PCDHA8: variants seen among roughly 807,000 people sequenced by gnomAD.
PCDHA8 encodes the protein protocadherin alpha 8, also known as protocadherin alpha-8.
PCDHA8 carries 53 observed loss-of-function variants against 61.8 expected under a neutral mutation model. The observed-to-expected ratio is 0.86, with a 90% CI of 0.69 to 1.08. PCDHA8 has a LOEUF of 1.08. Among genes scored for constraint, PCDHA8 ranks in the 50% least tolerant of loss-of-function variants. PCDHA8 has a pLI of 0.00. For missense variants in PCDHA8, 1,293 were observed against 1,245.0 expected (o/e 1.04, Z -0.58); for synonymous variants, 618 against 556.6 (o/e 1.11, Z -1.55).
At chr5:141,009,179 G>C (rs1343163889) in intron 3 of PCDHA8, among the ~76,000 whole-genome samples, 2 of 152,212 alleles carry the variant, frequency 1.3e-5, no homozygotes, top group Non-Finnish European at 2.9e-5. Flanking sequence ...CCTTGGCTGG[G>C]TGTGGTAGCT....
At chr5:141,003,404 C>T (rs1220823523) in intron 3 of PCDHA8, among the ~76,000 whole-genome samples, 4 of 152,138 alleles carry the variant, frequency 2.6e-5, no homozygotes, top group African/African-American at 4.8e-5. Context: ...CTCCGCCTCC[C>T]GGGTTCGAGT....
chr5:140,994,550 T>A (rs1554254228), intron 3 of PCDHA8, among the ~76,000 whole-genome samples: 1 of 151,060 alleles, frequency 6.6e-6, no homozygotes, highest in Non-Finnish European at 1.5e-5. Context: ...AAAAAAAATA[T>A]AAAAATTAGC....
Position 141,010,415 on chromosome 5 carries a change from C to T in PCDHA8, c.*478C>T. ...ACGAGCCAGCTTAGACTAATTGGTA[C>T]AAGGAAGGCAAGAAAACAAAGACAA... On this transcript the variant is annotated 3_prime_UTR_variant, in exon 4 of 4. Transcript: ENST00000531613. 1 of 1,160,734 alleles carries T rather than the reference C, an allele frequency of 8.6e-7. No homozygotes were observed. 71.9% of individuals were successfully genotyped at this position (1,160,734 alleles called of 1,614,324 possible).
In PCDHA8 at chr5:140,843,011, G is replaced by A. The variant is rs2150350118; in HGVS notation, c.1690G>A (p.Ala564Thr). 6.3e-7 allele frequency: 1 copy of A among 1,595,080 alleles called. No homozygotes were observed. Among genetic ancestry groups the A allele is most frequent in the Admixed American group, 1.7e-5 (1 of 59,308 alleles). Residue 564 changes from alanine to threonine, a missense_variant, in exon 1 of 4, where the codon GCA (alanine) becomes ACA (threonine). Physicochemically the swap from Ala to Thr is moderately conservative, Grantham distance 58. Coordinates refer to ENST00000531613, the MANE Select transcript of PCDHA8 (RefSeq NM_018911.3). Reference protein sequence around the residue: ...FVLDENDNAPALLEPRVGGTG... With the variant: ...FVLDENDNAPTLLEPRVGGTG... ...GCTGGACGAGAATGACAACGCGCCG[G>A]CACTGCTGGAGCCTCGGGTGGGTGG... is the stretch of plus-strand genomic sequence containing the variant.
intron 1 of PCDHA8, among the ~76,000 whole-genome samples, chr5:140,900,094 G>A (rs546671178): frequency 3.6e-4 from 55 of 152,150 alleles, no homozygotes; most frequent in East Asian, 2.3e-3. Context: ...ACAAGCATGC[G>A]CCACCATACC....
chr5:140,986,461 C>T (rs1554248079), intron 3 of PCDHA8, among the ~76,000 whole-genome samples: 1 of 152,154 alleles, frequency 6.6e-6, no homozygotes. Context: ...TTAATGAATG[C>T]CCTCTTGTGA....
In PCDHA8 at chr5:141,003,240, CAA is replaced by C. The variant is rs1287973511; in HGVS notation, c.2543-6383_2543-6382del. ...GAAAGAGGAAAGCTGGAAATTTTGC[CAA>C]AAAGATTCCTGGGCAGTGCCTAAGG... On this transcript the variant is annotated intron_variant, in intron 3 of 3. Transcript: ENST00000531613. Among the ~76,000 whole-genome samples the C allele has an allele frequency of 2.6e-5, 4 of 152,150 alleles. No individual in the cohort carries two copies. In the East Asian group the frequency reaches 7.7e-4, roughly 29 times the overall value.
In PCDHA8 at chr5:140,843,702, A is replaced by G. The variant is rs375271706; in HGVS notation, c.2381A>G (p.Asp794Gly). 3 of 1,580,560 alleles carry G rather than the reference A, an allele frequency of 1.9e-6. No individual in the cohort carries two copies. Among genetic ancestry groups the G allele is most frequent in the Admixed American group, 3.4e-5 (2 of 58,878 alleles). ...GGCGAAGAGCAAGATTTAAATGTTG[A>G]TCATGGCCTCAAAGTAAGTCCATTT... is the stretch of plus-strand genomic sequence containing the variant. ...DVGEEQDLNV[D>G]HGLKPRQPNP... The change falls in exon 1 of 4, where the codon GAT becomes GGT. Residue 794 changes from aspartate (D) to glycine (G), a missense_variant. Coordinates refer to ENST00000531613, the MANE Select transcript of PCDHA8 (RefSeq NM_018911.3).
intron 1 of PCDHA8, among the ~76,000 whole-genome samples, chr5:140,937,771 G>T (rs558321540): frequency 6.6e-6 from 1 of 151,436 alleles, no homozygotes; most frequent in Non-Finnish European, 1.5e-5. Context: ...AATTAGTCGG[G>T]CGTGGTGGCG....
chr5:140,859,086 G>A (rs1474947917), intron 1 of PCDHA8: 3 of 150,424 alleles, frequency 2.0e-5, no homozygotes, highest in Non-Finnish European at 3.0e-5. Flanking sequence ...CTGTGTCAGT[G>A]TGTATTATTC....
intron 1 of PCDHA8, among the ~76,000 whole-genome samples, chr5:140,900,040 G>A (rs1407235485): frequency 4.6e-5 from 7 of 152,046 alleles, no homozygotes; most frequent in Non-Finnish European, 8.8e-5. Flanking sequence ...GAATTCCTGG[G>A]CTCAAGTGAT....
intron 1 of PCDHA8, chr5:140,884,466 C>G (rs1212644572): frequency 2.5e-6 from 4 of 1,613,646 alleles, no homozygotes; most frequent in Non-Finnish European, 3.4e-6. Flanking sequence ...GGCGCGTGCG[C>G]GCCGGGCAAG....
intron 1 of PCDHA8, among the ~76,000 whole-genome samples, chr5:140,923,882 G>A (rs1261780966): frequency 6.6e-6 from 1 of 152,192 alleles, no homozygotes; most frequent in Non-Finnish European, 1.5e-5. Context: ...AGAAGCGTGT[G>A]AAAGAGGAGG....
intron 1 of PCDHA8, chr5:140,857,366 G>T: frequency 6.3e-7 from 1 of 1,598,350 alleles, no homozygotes. Flanking sequence ...CACGGCCAGC[G>T]TGTCTGTGGA....
At chr5:140,851,766 T>A in intron 1 of PCDHA8, 2 of 968,988 alleles carry the variant, frequency 2.1e-6, no homozygotes, top group South Asian at 4.8e-5. Context: ...AACATTACCC[T>A]TATGAATTTA....
chr5:140,906,327 A>G (rs1240461628), intron 1 of PCDHA8, among the ~76,000 whole-genome samples: 2 of 152,322 alleles, frequency 1.3e-5, no homozygotes, highest in African/African-American at 4.8e-5. Flanking sequence ...TGATACAACT[A>G]TCCTTCATAC....
chr5:140,993,463 CACA>C (rs1563592017), intron 3 of PCDHA8, among the ~76,000 whole-genome samples: 29 of 7,582 alleles, frequency 3.8e-3, no homozygotes, highest in African/African-American at 0.016. Flanking sequence ...CTTTCTTTCT[CACA>C]CACACACACA....
chr5:141,004,423 C>T (rs2098165944), intron 3 of PCDHA8, among the ~76,000 whole-genome samples: 1 of 152,202 alleles, frequency 6.6e-6, no homozygotes, highest in Non-Finnish European at 1.5e-5. Context: ...TCTCTGCCTC[C>T]TGGAGTTTAG....
At chr5:140,850,730 G>T (rs1439103901) in intron 1 of PCDHA8, 3 of 1,597,976 alleles carry the variant, frequency 1.9e-6, no homozygotes, top group Non-Finnish European at 2.6e-6. Flanking sequence ...CTAGCGCGGT[G>T]GGGAGTTGGT....
Sources: gnomAD v4.1 joint callset for allele counts (sites outside exome capture counted in the v4.1 genomes callset) on GRCh38, gnomAD v4.1.1 for gene constraint, MANE v1.5 for transcripts, NCBI Gene and HGNC (gene_info 2026-07-23, HGNC 2026-07-21) for gene names.